The following HOPX variants were observed in gnomAD, a reference collection of about 807,000 sequenced individuals.
HOPX encodes homeodomain-only protein.
A neutral mutation model predicts 11.8 loss-of-function variants in HOPX; 5 were observed. The observed-to-expected ratio is 0.43, with a 90% CI of 0.22 to 0.89. HOPX has a LOEUF of 0.89. Ranked by LOEUF, HOPX falls within the 40% of genes least tolerant of loss-of-function variation. The pLI is 0.28. For missense variants in HOPX, 119 were observed against 120.0 expected, an observed-to-expected ratio of 0.99 and a Z score of 0.04; for synonymous variants, 49 against 49.7, an observed-to-expected ratio of 0.99 and a Z score of 0.06.
intron 2 of HOPX, 108 bp downstream of exon 2, chr4:56,657,667 A>T: frequency 1.4e-6 from 1 of 716,412 alleles, no homozygotes; most frequent in South Asian, 1.5e-5. Flanking sequence ...TCACGGTGCT[A>T]GGCAGGAGAG....
chr4:56,649,557 G>C (rs1232480700), intron 3 of HOPX: 1 of 152,212 alleles, frequency 6.6e-6, no homozygotes, highest in African/African-American at 2.4e-5. Context: ...TGAGCAGTGA[G>C]AGAAGCTAAA....
chr4:56,681,122 GTCAT>G lies in HOPX; in HGVS notation c.-84+129_-84+132del, dbSNP rs1719302447. The G allele has an allele frequency of 4.1e-6, 4 of 974,056 alleles. No homozygotes were observed. The South Asian group carries it at 1.9e-4, about 46-fold the overall frequency. 60.3% of individuals were successfully genotyped at this position (974,056 alleles called of 1,614,324 possible). The stretch of plus-strand genomic sequence containing the variant: ...CTAGCTTCTGCTTGGGGGTAAGCTT[GTCAT>G]TCCTATTCTCCCTTTCACCTCTACC... On this transcript the variant is annotated intron_variant, in intron 1 of 3. Transcript: ENST00000420433.
chr4:56,653,589 G>A (rs1189745126), intron 3 of HOPX, among the ~76,000 whole-genome samples: 1 of 152,052 alleles, frequency 6.6e-6, no homozygotes, highest in Non-Finnish European at 1.5e-5. Context: ...CTAAGCTCTG[G>A]GGTTCCAGAT....
chr4:56,666,217 A>G (rs1158972417), intron 1 of HOPX, among the ~76,000 whole-genome samples: 3 of 152,244 alleles, frequency 2.0e-5, no homozygotes, highest in Non-Finnish European at 4.4e-5. Flanking sequence ...GACATCATTG[A>G]AAGATGGCAT....
intron 3 of HOPX, chr4:56,650,819 G>C: frequency 6.5e-7 from 1 of 1,538,564 alleles, no homozygotes; most frequent in South Asian, 1.2e-5. Context: ...TACCCTTCAT[G>C]AGAAGAGAGA....
intron 1 of HOPX, among the ~76,000 whole-genome samples, chr4:56,668,584 G>C (rs1000237542): frequency 6.6e-6 from 1 of 152,124 alleles, no homozygotes; most frequent in African/African-American, 2.4e-5. Flanking sequence ...GCCTTGCCGT[G>C]TTGCCCAGGC....
intron 1 of HOPX, chr4:56,664,083 A>G (rs1718297912): frequency 6.6e-6 from 1 of 151,848 alleles, no homozygotes; most frequent in South Asian, 2.1e-4. Context: ...AGTTCTTATG[A>G]TGTTATTATA....
chr4:56,677,126 A>T (rs1026989644), intron 1 of HOPX, among the ~76,000 whole-genome samples: 3 of 151,868 alleles, frequency 2.0e-5, no homozygotes, highest in African/African-American at 7.3e-5. Context: ...TTTTGTCTCC[A>T]TTATAGTAAC....
At chr4:56,657,282 G>C (rs12507244) in intron 2 of HOPX, among the ~76,000 whole-genome samples, 4,019 of 152,246 alleles carry the variant, frequency 0.026, 82 homozygotes, top group South Asian at 0.11. Flanking sequence ...CTTGACTGTC[G>C]CTGACAGTAA....
At chr4:56,662,764 A>AG (rs1362134091) in intron 1 of HOPX, 3 of 152,458 alleles carry the variant, frequency 2.0e-5, no homozygotes, top group Non-Finnish European at 4.4e-5. Context: ...GGCATGAGCC[A>AG]CTGTGCCTGG....
chr4:56,672,231 A>G (rs1235052637), intron 1 of HOPX, among the ~76,000 whole-genome samples: 2 of 152,098 alleles, frequency 1.3e-5, no homozygotes, highest in Non-Finnish European at 2.9e-5. Flanking sequence ...AGAATTTATA[A>G]AGCCAAGTTT....
chr4:56,656,566 A>G (rs1268618943), intron 2 of HOPX: 1 of 725,548 alleles, frequency 1.4e-6, no homozygotes, highest in African/African-American at 2.0e-5. Context: ...GCAGGGCTGC[A>G]CACCCCACCC....
At chr4:56,659,552 G>A (rs1717981996) in intron 1 of HOPX, 1 of 151,522 alleles carries the variant, frequency 6.6e-6, no homozygotes, top group Non-Finnish European at 1.5e-5. Flanking sequence ...GAAGGAGAGA[G>A]AGAGAGAGAG....
intron 1 of HOPX, among the ~76,000 whole-genome samples, chr4:56,661,045 C>T (rs778904128): frequency 4.6e-5 from 7 of 152,152 alleles, no homozygotes; most frequent in South Asian, 2.1e-4. Flanking sequence ...CTCCTGGGCT[C>T]GAGTGATCCT....
intron 1 of HOPX, among the ~76,000 whole-genome samples, chr4:56,669,660 AAAT>A (rs148353976): frequency 0.092 from 13,469 of 146,276 alleles, 705 homozygotes; most frequent in East Asian, 0.18. Flanking sequence ...CTCTGTCTCA[AAAT>A]AATAATAATA....
At chr4:56,680,965 T>C (rs1338512362) in intron 1 of HOPX, 4 of 928,338 alleles carry the variant, frequency 4.3e-6, no homozygotes, top group Admixed American at 6.2e-5. Context: ...CTTTCCAAAA[T>C]AGAAGCGAGT....
chr4:56,667,027 G>A (rs1718474271), intron 1 of HOPX, among the ~76,000 whole-genome samples: 1 of 152,230 alleles, frequency 6.6e-6, no homozygotes, highest in South Asian at 2.1e-4. Flanking sequence ...GGGAAATGAG[G>A]TTTTGGTGCA....
In HOPX at chr4:56,660,596, C is replaced by T. The variant is rs1718062155; in HGVS notation, c.-83-2697G>A. 2.6e-5 allele frequency among the ~76,000 whole-genome samples: 4 copies of T among 151,972 alleles called. No homozygotes were observed. The South Asian group carries it at 8.3e-4, about 32-fold the overall frequency. ...TTTTTTCCCCCTATATAACAATGTC[C>T]TCAATCGGACCAGTTGTCCACCTTG... On this transcript the variant is annotated intron_variant, in intron 1 of 3. Coordinates refer to ENST00000420433, the MANE Select transcript of HOPX (RefSeq NM_032495.6).
At chr4:56,659,963 T>C (rs1403575117) in intron 1 of HOPX, among the ~76,000 whole-genome samples, 6 of 152,204 alleles carry the variant, frequency 3.9e-5, no homozygotes, top group Non-Finnish European at 1.5e-5. Flanking sequence ...TTTAAAATTA[T>C]AAATTAGCAA....
Sources: allele counts gnomAD v4.1 joint callset (sites outside exome capture counted in the v4.1 genomes callset), GRCh38; gene constraint gnomAD v4.1.1; transcripts MANE v1.5; gene names NCBI Gene and HGNC (gene_info 2026-07-23, HGNC 2026-07-21).